Variants in NR2C2 observed in about 807,000 individuals in gnomAD.
The protein encoded by NR2C2 is nuclear receptor subfamily 2 group C member 2, also known as Nuclear hormone receptor TR4.
NR2C2 carries 6 observed loss-of-function variants against 62.9 expected under a neutral mutation model. That is an observed-to-expected ratio of 0.10 (90% CI 0.05 to 0.19). NR2C2 has a LOEUF of 0.19. Among genes scored for constraint, NR2C2 ranks in the 10% least tolerant of loss-of-function variants. The pLI is 1.00. For synonymous variants in NR2C2, 272 were observed against 273.8 expected, an observed-to-expected ratio of 0.99 and a Z score of 0.07; for missense variants, 479 against 762.7, an observed-to-expected ratio of 0.63 and a Z score of 4.38.
chr3:15,000,108 T>TAAA (rs143891534), intron 1 of NR2C2, among the ~76,000 whole-genome samples: 1 of 151,270 alleles, frequency 6.6e-6, no homozygotes, highest in Non-Finnish European at 1.5e-5. Flanking sequence ...GCAATAGGTC[T>TAAA]AAAAAAAAAG....
intron 2 of NR2C2, among the ~76,000 whole-genome samples, chr3:15,012,363 C>T (rs1388470263): frequency 6.6e-6 from 1 of 152,006 alleles, no homozygotes; most frequent in Non-Finnish European, 1.5e-5. Context: ...GTAGCTGGGA[C>T]TACAGGCGCC....
intron 1 of NR2C2, among the ~76,000 whole-genome samples, chr3:14,963,381 C>T (rs189182325): frequency 2.0e-5 from 3 of 152,330 alleles, no homozygotes; most frequent in African/African-American, 7.2e-5. Flanking sequence ...AAGATGCTGA[C>T]GCAGGTCCGT....
chr3:15,016,059 C>T (rs2041502296), intron 3 of NR2C2, 93 bp from the exon 4 acceptor site: 1 of 935,746 alleles, frequency 1.1e-6, no homozygotes. Context: ...ACCTCAGCCT[C>T]CCAAAGTGCT....
intron 1 of NR2C2, among the ~76,000 whole-genome samples, chr3:14,989,206 G>C (rs2040595749): frequency 6.6e-6 from 1 of 152,174 alleles, no homozygotes; most frequent in Non-Finnish European, 1.5e-5. Context: ...GACTTCAGGA[G>C]CTCCCTCCCC....
chr3:15,039,346 T>C (rs1288636829), intron 13 of NR2C2, 119 bp downstream of exon 13: 1 of 687,150 alleles, frequency 1.5e-6, no homozygotes, highest in African/African-American at 1.8e-5. Context: ...AGAGCCTCCA[T>C]TGGATCACAC....
intron 13 of NR2C2, 138 bp from the exon 14 acceptor site, chr3:15,042,696 C>A: frequency 1.4e-6 from 1 of 698,070 alleles, no homozygotes; most frequent in Admixed American, 2.9e-5. Flanking sequence ...CTGTTGAAAT[C>A]AGAAAAGAGA....
intron 2 of NR2C2, among the ~76,000 whole-genome samples, chr3:15,008,381 G>T (rs1212503107): frequency 6.6e-6 from 1 of 151,914 alleles, no homozygotes; most frequent in Non-Finnish European, 1.5e-5. Context: ...AATTAGCCAG[G>T]CGTGCTGGCA....
At chr3:14,989,218 C>T (rs979246209) in intron 1 of NR2C2, among the ~76,000 whole-genome samples, 1 of 152,188 alleles carries the variant, frequency 6.6e-6, no homozygotes, top group African/African-American at 2.4e-5. Flanking sequence ...TCCCTCCCCT[C>T]AGTGGCTTTG....
At chr3:14,989,776 T>C (rs920124566) in intron 1 of NR2C2, among the ~76,000 whole-genome samples, 4 of 151,050 alleles carry the variant, frequency 2.6e-5, no homozygotes, top group African/African-American at 9.7e-5. Flanking sequence ...CTACTAAAAA[T>C]ACAAAATTAG....
At position 15,043,395 on chromosome 3, in the gene NR2C2, G is replaced by C. The variant is rs1306313102; in HGVS notation, c.*387G>C. 6.5e-6 allele frequency: 1 copy of C among 154,324 alleles called. No individual in the cohort carries two copies. The highest frequency in any genetic ancestry group is 2.4e-5 in the African/African-American group (1 of 41,526). 9.6% of individuals were successfully genotyped at this position (154,324 alleles called of 1,614,324 possible). ...ATATAAAAAAGTCCTTGGAATTATA[G>C]ATACTAATTACCAGGGTAATAATAT... On this transcript the variant is annotated 3_prime_UTR_variant, in exon 14 of 14. Transcript: ENST00000425241.
At chr3:14,977,963 AGAAGAAG>A (rs1233688872) in intron 1 of NR2C2, among the ~76,000 whole-genome samples, 5 of 145,450 alleles carry the variant, frequency 3.4e-5, no homozygotes, top group Non-Finnish European at 6.1e-5. Context: ...AAAAAAAAAA[AGAAGAAG>A]AAGAAGAAGA....
chr3:14,986,772 G>A (rs1297966174), intron 1 of NR2C2, among the ~76,000 whole-genome samples: 2 of 152,208 alleles, frequency 1.3e-5, no homozygotes, highest in Non-Finnish European at 2.9e-5. Flanking sequence ...TGCTATGGGA[G>A]AAGATAACAT....
intron 9 of NR2C2, among the ~76,000 whole-genome samples, chr3:15,030,673 C>T (rs1423563887): frequency 1.3e-5 from 2 of 152,052 alleles, no homozygotes; most frequent in Admixed American, 6.6e-5. Flanking sequence ...CCTAAAAATA[C>T]AAAAATTAGT....
rs148816600 is a variant in NR2C2, at chr3:15,035,183, C to T, written c.1372+374C>T. 8.6e-3 allele frequency among the ~76,000 whole-genome samples: 1,304 copies of T among 152,284 alleles called. 22 individuals carry two copies. Among genetic ancestry groups the T allele is most frequent in the African/African-American group, 0.03 (1,245 of 41,544 alleles). On this transcript the variant is annotated intron_variant, in intron 11 of 13. Coordinates refer to ENST00000425241, the MANE Select transcript of NR2C2 (RefSeq NM_001291694.2). ...TGGCATCTGCCTGTAGTCCCAGATA[C>T]TCAGGAGGCTGAGGCAGGAGGATTG...
At chr3:14,988,448 T>C (rs2040570493) in intron 1 of NR2C2, among the ~76,000 whole-genome samples, 1 of 152,254 alleles carries the variant, frequency 6.6e-6, no homozygotes, top group Non-Finnish European at 1.5e-5. Context: ...ATTTCTATAT[T>C]TAGGATAATT....
chr3:14,978,973 G>A (rs1019541684), intron 1 of NR2C2, among the ~76,000 whole-genome samples: 1 of 152,152 alleles, frequency 6.6e-6, no homozygotes, highest in African/African-American at 2.4e-5. Context: ...GGGACCAGGG[G>A]CTGAGCCTTT....
At chr3:14,991,570 T>C (rs2040671458) in intron 1 of NR2C2, among the ~76,000 whole-genome samples, 1 of 152,122 alleles carries the variant, frequency 6.6e-6, no homozygotes, top group African/African-American at 2.4e-5. Context: ...CTGTTTGAGA[T>C]TTGTAACACT....
At chr3:14,997,572 A>G (rs552474385) in intron 1 of NR2C2, among the ~76,000 whole-genome samples, 1 of 152,316 alleles carries the variant, frequency 6.6e-6, no homozygotes, top group African/African-American at 2.4e-5. Flanking sequence ...GCAGGATCTC[A>G]GCCTCACCAT....
chr3:14,954,840 T>C (rs939342716), intron 1 of NR2C2, among the ~76,000 whole-genome samples: 1 of 152,204 alleles, frequency 6.6e-6, no homozygotes, highest in South Asian at 2.1e-4. Flanking sequence ...GTGCCTTTTT[T>C]TGTTTTTTGA....
Sources: allele counts gnomAD v4.1 joint callset (sites outside exome capture counted in the v4.1 genomes callset), GRCh38; gene constraint gnomAD v4.1.1; transcripts MANE v1.5; gene names NCBI Gene and HGNC (gene_info 2026-07-23, HGNC 2026-07-21).